Variants in RBL2 observed in about 807,000 individuals in gnomAD.
RBL2 encodes RB transcriptional corepressor like 2.
Under a neutral mutation model 126.0 loss-of-function variants are expected in RBL2, and 56 were observed. That is an observed-to-expected ratio of 0.44 (90% confidence interval 0.36 to 0.56). The LOEUF (loss-of-function observed/expected upper bound fraction) is 0.56. RBL2 is among the 20% of genes least tolerant of loss of function. The pLI is 0.00. For missense variants in RBL2, 1,229 were observed against 1,398.2 expected (o/e 0.88, Z 1.93); for synonymous variants, 454 against 478.5 (o/e 0.95, Z 0.67).
intron 1 of RBL2, among the ~76,000 whole-genome samples, chr16:53,438,699 C>T (rs569264721): frequency 2.0e-5 from 3 of 151,932 alleles, no homozygotes; most frequent in East Asian, 3.9e-4. Flanking sequence ...CAAAAATTAG[C>T]CAGGTATGGT....
At chr16:53,437,076 T>C (rs978499778) in intron 1 of RBL2, among the ~76,000 whole-genome samples, 1 of 151,800 alleles carries the variant, frequency 6.6e-6, no homozygotes, top group African/African-American at 2.4e-5. Flanking sequence ...CCCTCCACCA[T>C]CCAAGTAGTT....
intron 12 of RBL2, 85 bp from the exon 13 acceptor site, chr16:53,465,347 TACTTCA>T: frequency 1.2e-6 from 1 of 853,360 alleles, no homozygotes; most frequent in Non-Finnish European, 1.6e-6. Context: ...TTCAAAATAA[TACTTCA>T]ACTTGTAATT....
At chr16:53,470,221 C>G in intron 15 of RBL2, 36 bp downstream of exon 15, 1 of 1,578,032 alleles carries the variant, frequency 6.3e-7, no homozygotes, top group Non-Finnish European at 8.6e-7. Flanking sequence ...AGTTCCTTCT[C>G]TGTGGCATGT....
At chr16:53,435,498 A>G (rs2057949947) in intron 1 of RBL2, 1 of 1,040,114 alleles carries the variant, frequency 9.6e-7, no homozygotes, top group South Asian at 1.7e-5. Context: ...CGGGTGTGTT[A>G]GGTCGCAGCC....
chr16:53,483,454 G>C (rs1386876633), intron 21 of RBL2, among the ~76,000 whole-genome samples: 1 of 152,144 alleles, frequency 6.6e-6, no homozygotes, highest in Non-Finnish European at 1.5e-5. Context: ...TACTCAGGAG[G>C]CTGAGCCCAA....
intron 17 of RBL2, among the ~76,000 whole-genome samples, chr16:53,474,654 A>G (rs1173335722): frequency 6.6e-6 from 1 of 152,206 alleles, no homozygotes; most frequent in Non-Finnish European, 1.5e-5. Context: ...TGGTTTGCCA[A>G]CAGTTTGTTG....
At position 53,459,780 on chromosome 16, in the gene RBL2, A is replaced by G. The variant is rs1006124175; in HGVS notation, c.1346+163A>G. Among the ~76,000 whole-genome samples, 3 of 152,230 alleles carry G rather than the reference A, an allele frequency of 2.0e-5. No homozygotes were observed. The East Asian group carries it at 5.8e-4, about 29-fold the overall frequency. ...TAGAGGACCTAGCAATAAGATGTAT[A>G]AGTGGAAGATCTTCTTTCCTTAGAT... On this transcript the variant is annotated intron_variant, in intron 9 of 21. Transcript: ENST00000262133.
rs535315903 is a variant in RBL2 at position 53,465,898 on chromosome 16, T to G, written c.1863+296T>G. ...AAAAGACTTATATACAGGGTACTCC[T>G]AGGTAGCAGCAGGACAGCTCTAGAG... On this transcript the variant is annotated intron_variant, in intron 13 of 21. Coordinates refer to ENST00000262133, the MANE Select transcript of RBL2 (RefSeq NM_005611.4). 4 of 194,178 alleles carry G rather than the reference T, an allele frequency of 2.1e-5. 1 individual carries two copies. The highest frequency in any genetic ancestry group is 9.3e-5 in the African/African-American group (4 of 43,078). The allele number at this position is 194,178 out of a possible 1,614,324, so 12.0% of individuals were successfully genotyped here.
rs1253797308 is a variant in RBL2, at chr16:53,491,386, T to C, written c.*1086T>C. 6.6e-6 allele frequency: 1 copy of C among 152,256 alleles called. No individual in the cohort carries two copies. Among genetic ancestry groups the C allele is most frequent in the Non-Finnish European group, 1.5e-5 (1 of 68,028 alleles). The allele number at this position is 152,256 out of a possible 1,614,324, so 9.4% of individuals were successfully genotyped here. On this transcript the variant is annotated 3_prime_UTR_variant, in exon 22 of 22. Transcript: ENST00000262133. ...AAAATGTTATTTAACAGCTGAATTA[T>C]CTATACATATCTTTATTAATCACTA...
rs1460067364 is a variant in RBL2, at chr16:53,434,481, C to T, written c.-76C>T. The T allele has an allele frequency of 1.7e-5, 22 of 1,300,488 alleles. No individual in the cohort carries two copies. The highest frequency in any genetic ancestry group is 6.3e-5 in the South Asian group (3 of 47,676). The allele number at this position is 1,300,488 out of a possible 1,614,324, so 80.6% of individuals were successfully genotyped here. ...AGGCGCGGTGCGGGCGGCGGACGGGCGGGCGCTTCGCCGTTTGAATGGCTG... is the reference window on the plus strand; with the variant it reads ...AGGCGCGGTGCGGGCGGCGGACGGGTGGGCGCTTCGCCGTTTGAATGGCTG... On this transcript the variant is annotated 5_prime_UTR_variant, in exon 1 of 22. Coordinates refer to ENST00000262133, the MANE Select transcript of RBL2 (RefSeq NM_005611.4).
At chr16:53,435,681 C>G in intron 1 of RBL2, 1 of 1,288,784 alleles carries the variant, frequency 7.8e-7, no homozygotes, top group South Asian at 1.2e-5. Flanking sequence ...TTTCTCAAGT[C>G]GTTTTATAAT....
At chr16:53,473,454 T>G (rs1960599702) in intron 17 of RBL2, among the ~76,000 whole-genome samples, 2 of 151,750 alleles carry the variant, frequency 1.3e-5, no homozygotes, top group Admixed American at 6.6e-5. Context: ...TGTAGTTGTT[T>G]CATTGTTAAC....
At chr16:53,453,334 C>G in intron 5 of RBL2, 118 bp from the exon 6 acceptor site, 2 of 911,570 alleles carry the variant, frequency 2.2e-6, no homozygotes, top group Non-Finnish European at 3.3e-6. Flanking sequence ...TATACTGTTT[C>G]CTATACATTT....
chr16:53,448,872 G>A (rs2058088155), intron 4 of RBL2: 1 of 152,220 alleles, frequency 6.6e-6, no homozygotes, highest in African/African-American at 2.4e-5. Context: ...CCTGGTTCCT[G>A]GTTCTTAGTT....
chr16:53,469,955 C>T lies in RBL2; in HGVS notation c.2015C>T (p.Ser672Phe), dbSNP rs2058305470. 6.2e-7 allele frequency: 1 copy of T among 1,610,308 alleles called. No individual in the cohort carries two copies. The highest frequency in any genetic ancestry group is 1.3e-5 in the African/African-American group (1 of 74,850). ...SPTTLYDRYS[S>F]PPASTTRRRL... Reference sequence around the variant, plus strand: ...ACCACATTATACGATAGGTACAGCTCCCCACCAGCCAGCACTACCAGAAGG... The same window carrying T: ...ACCACATTATACGATAGGTACAGCTTCCCACCAGCCAGCACTACCAGAAGG... The change falls in exon 15 of 22, where the codon TCC becomes TTC. Residue 672 changes from serine (S) to phenylalanine (F), a missense_variant. Ser to Phe is a radical substitution (Grantham distance 155). Transcript: ENST00000262133.
In RBL2 at chr16:53,459,542, A is replaced by G. The variant is rs2058199902; in HGVS notation, c.1271A>G (p.His424Arg). The G allele has an allele frequency of 1.2e-6, 2 of 1,610,856 alleles. No individual in the cohort carries two copies. The highest frequency in any genetic ancestry group is 2.2e-5 in the East Asian group (1 of 44,784). ...GTGACTCCAGTTTCTACAGCTACGC[A>G]TAGCTTGAGTCGTCTTCACACCATG... ...PCVTPVSTAT[H>R]SLSRLHTMLT... is the part of the protein sequence containing the mutation. Residue 424 changes from histidine to arginine, a missense_variant, in exon 9 of 22, where the codon CAT becomes CGT. Physicochemically the swap from His to Arg is conservative, Grantham distance 29. Around this residue, in one of 2 missense-constraint regions of RBL2, gnomAD observed 1,070 missense variants for 1,274.3 expected, o/e 0.84. Coordinates refer to ENST00000262133, the MANE Select transcript of RBL2 (RefSeq NM_005611.4).
intron 17 of RBL2, among the ~76,000 whole-genome samples, chr16:53,474,453 A>G (rs375797638): frequency 3.0e-4 from 46 of 152,248 alleles, no homozygotes; most frequent in African/African-American, 1.0e-3. Context: ...AGTAGCTGGG[A>G]TTACAGGCAT....
At chr16:53,489,565 C>T (rs1422944211) in intron 21 of RBL2, 1 of 152,082 alleles carries the variant, frequency 6.6e-6, no homozygotes, top group Admixed American at 6.5e-5. Flanking sequence ...AGCCACTGTC[C>T]AGAAAATAAT....
Position 53,454,838 on chromosome 16 carries a change from A to G in RBL2, c.1175A>G (p.Asp392Gly). ...QMKNILQQHFDKSKALRISTP... is the reference protein window; with the variant it reads ...QMKNILQQHFGKSKALRISTP... ...AAAAACATCTTACAGCAGCATTTTG[A>G]CAAGGTGAGTTTAGCCATGCCAGAA... The change falls in exon 8 of 22, where the codon GAC becomes GGC. Residue 392 changes from aspartate to glycine, a missense_variant. By Grantham distance (94) the Asp-to-Gly change is moderately conservative. Around this residue, in one of 2 missense-constraint regions of RBL2, gnomAD observed 1,070 missense variants for 1,274.3 expected, o/e 0.84. Transcript: ENST00000262133. 1 of 1,606,602 alleles carries G rather than the reference A, an allele frequency of 6.2e-7. No homozygotes were observed. Among genetic ancestry groups the G allele is most frequent in the African/African-American group, 1.3e-5 (1 of 74,890 alleles).
Sources: gnomAD v4.1 joint callset for allele counts (sites outside exome capture counted in the v4.1 genomes callset) on GRCh38, gnomAD v4.1.1 for gene constraint, gnomAD v4.1.1 regional missense constraint, MANE v1.5 for transcripts, NCBI Gene and HGNC (gene_info 2026-07-23, HGNC 2026-07-21) for gene names.